Variants in NPR1 observed in about 807,000 individuals in gnomAD.
NPR1 encodes the protein natriuretic peptide receptor 1, also known as atrial natriuretic peptide receptor 1.
Under a neutral mutation model 116.9 loss-of-function variants are expected in NPR1, and 57 were observed. The ratio of observed to expected loss-of-function variants is 0.49; its 90% confidence interval spans 0.39 to 0.61. The LOEUF is 0.61. Among genes scored for constraint, NPR1 ranks in the 20% least tolerant of loss-of-function variants. NPR1 has a pLI of 0.00. For synonymous variants in NPR1, 555 were observed against 601.6 expected (o/e 0.92, Z 1.13); for missense variants, 1,096 against 1,409.8 (o/e 0.78, Z 3.56).
intron 9 of NPR1, 113 bp from the exon 10 acceptor site, chr1:153,686,010 C>T: frequency 7.3e-7 from 1 of 1,371,224 alleles, no homozygotes; most frequent in Admixed American, 1.8e-5. Context: ...TGGGGGTGGG[C>T]TATTGGGAAC....
chr1:153,683,884 G>T, intron 7 of NPR1, 60 bp downstream of exon 7: 1 of 1,463,716 alleles, frequency 6.8e-7, no homozygotes. Context: ...AATAGCAGAG[G>T]AGGCGGTGGG....
intron 5 of NPR1, 31 bp from the exon 6 acceptor site, chr1:153,683,345 T>C (rs1007125884): frequency 6.2e-7 from 1 of 1,607,854 alleles, no homozygotes; most frequent in African/African-American, 1.3e-5. Context: ...CCGCAGGCCC[T>C]GGCCTAGCCA....
chr1:153,688,872 G>C (rs1326788017), intron 15 of NPR1, 81 bp from the exon 16 acceptor site: 1 of 1,564,414 alleles, frequency 6.4e-7, no homozygotes, highest in African/African-American at 1.4e-5. Flanking sequence ...AGTCTGGAGG[G>C]GGAAGTGCCT....
chr1:153,684,549 G>A (rs572455774), intron 7 of NPR1, among the ~76,000 whole-genome samples: 6 of 151,746 alleles, frequency 4.0e-5, no homozygotes, highest in South Asian at 4.2e-4. Context: ...ATGCCACCAC[G>A]CTCAGCTAAT....
chr1:153,688,204 G>A lies in NPR1; in HGVS notation c.2400G>A (p.Thr800=), dbSNP rs115612907. The stretch of plus-strand genomic sequence containing the variant: ...CACCATTCCAGCAGATCCGCCTGAC[G>A]TTGCGCAAATTTAACAGGTCCCTGG... The part of the protein sequence containing the change: ...ERPPFQQIRL[T]LRKFNRENSS... Residue 800 remains threonine (T), a synonymous_variant, in exon 15 of 22, where the codon ACG becomes ACA. Transcript: ENST00000368680. 68 of 1,613,616 alleles carry A rather than the reference G, an allele frequency of 4.2e-5. No homozygotes were observed. The African/African-American group carries it at 7.2e-4, about 17-fold the overall frequency.
chr1:153,691,921 G>C (rs561934098), intron 20 of NPR1, among the ~76,000 whole-genome samples: 4 of 151,580 alleles, frequency 2.6e-5, no homozygotes, highest in African/African-American at 9.7e-5. Context: ...GAAAAGAAAA[G>C]AAAGAAACTG....
chr1:153,680,014 AC>A (rs1456186208), intron 1 of NPR1, among the ~76,000 whole-genome samples, 185 bp downstream of exon 1: 1 of 143,144 alleles, frequency 7.0e-6, no homozygotes, highest in Non-Finnish European at 1.5e-5. Flanking sequence ...TTCTTCCGCC[AC>A]CCCCACCACG....
chr1:153,680,004 T>G (rs1301577097), intron 1 of NPR1, among the ~76,000 whole-genome samples, 175 bp downstream of exon 1: 2 of 152,028 alleles, frequency 1.3e-5, no homozygotes, highest in African/African-American at 2.4e-5. Flanking sequence ...TTTCCCTCTC[T>G]TCTTCCGCCA....
chr1:153,687,617 C>A lies in NPR1; in HGVS notation c.2093-17C>A, dbSNP rs754034385. On this transcript the variant is annotated splice_polypyrimidine_tract_variant and intron_variant, in intron 13 of 21. Transcript: ENST00000368680. Reference sequence around the variant, plus strand: ...TTGGGCTCCCTCACTCGGTGACTACCGACCTCTGACCCACAGAAAAGCTGT... The same window carrying A: ...TTGGGCTCCCTCACTCGGTGACTACAGACCTCTGACCCACAGAAAAGCTGT... 1.8e-5 allele frequency: 28 copies of A among 1,563,450 alleles called. No homozygotes were observed. In the Admixed American group the frequency reaches 5.0e-4, roughly 28 times the overall value.
intron 2 of NPR1, 63 bp from the exon 3 acceptor site, chr1:153,681,117 G>T: frequency 9.7e-7 from 1 of 1,030,222 alleles, no homozygotes; most frequent in South Asian, 1.3e-5. Flanking sequence ...AACTGTTGGG[G>T]CCCCACAGTA....
chr1:153,688,246 C>T, intron 15 of NPR1, 25 bp downstream of exon 15: 1 of 1,604,544 alleles, frequency 6.2e-7, no homozygotes, highest in Non-Finnish European at 8.5e-7. Flanking sequence ...TCATGGATCC[C>T]CCAGGCCCTT....
At chr1:153,690,490 G>A (rs566138949) in intron 20 of NPR1, 108 bp downstream of exon 20, 85 of 722,312 alleles carry the variant, frequency 1.2e-4, no homozygotes, top group Non-Finnish European at 1.7e-4. Context: ...TAGCCCTTTC[G>A]CCTCCCAAGT....
At position 153,679,752 on chromosome 1, in the gene NPR1, T is replaced by C. The variant is rs763778452; in HGVS notation, c.644T>C (p.Val215Ala). ...GTCCGCGACCGCCTCAATATTACGG[T>C]GGACCACCTGGAGTTCGCCGAGGAC... The part of the protein sequence containing the change: ...MRVRDRLNIT[V>A]DHLEFAEDDL... Residue 215 changes from valine (V) to alanine (A), a missense_variant, in exon 1 of 22, where the codon GTG (valine) becomes GCG (alanine). Physicochemically the swap from Val to Ala is moderately conservative, Grantham distance 64. Transcript: ENST00000368680. This position sits in a 1 kb window ranked among gnomAD's most constrained non-coding sequence, Gnocchi z 4.2. 1 of 1,587,620 alleles carries C rather than the reference T, an allele frequency of 6.3e-7. No individual in the cohort carries two copies. Among genetic ancestry groups the C allele is most frequent in the South Asian group, 1.1e-5 (1 of 88,194 alleles).
intron 20 of NPR1, among the ~76,000 whole-genome samples, chr1:153,692,070 C>G (rs1199709747): frequency 6.6e-6 from 1 of 152,116 alleles, no homozygotes; most frequent in Non-Finnish European, 1.5e-5. Flanking sequence ...GCAGATCACC[C>G]TGGGCCTCAG....
Position 153,682,655 on chromosome 1 carries a change from C to G in NPR1, c.1263+66C>G, listed in dbSNP as rs566924829. ...ACATCTCACCCTCCTACTTCCCCCC[C>G]ACAGCCCTGCCAGGGCACCTGTTTA... On this transcript the variant is annotated intron_variant, in intron 5 of 21. Transcript: ENST00000368680. The G allele has an allele frequency of 5.2e-4, 627 of 1,195,322 alleles. 6 individuals are homozygous for G. Among genetic ancestry groups the G allele is most frequent in the Admixed American group, 4.7e-4 (26 of 55,660 alleles). The allele number at this position is 1,195,322 out of a possible 1,614,324, so 74.0% of individuals were successfully genotyped here. A position where few individuals can be genotyped will look rare whatever the true frequency, so the allele number is the denominator to read the frequency against.
chr1:153,693,652 C>G lies in NPR1; in HGVS notation c.*238C>G. On this transcript the variant is annotated 3_prime_UTR_variant, in exon 22 of 22. Transcript: ENST00000368680. The stretch of plus-strand genomic sequence containing the variant: ...CCACGGCCATGCACAGGGACACTCA[C>G]ACAGGCACACGCACCTGCTCTCCAC... 1 of 454,882 alleles carries G rather than the reference C, an allele frequency of 2.2e-6. No individual in the cohort carries two copies. The highest frequency in any genetic ancestry group is 3.8e-6 in the Non-Finnish European group (1 of 260,334). The allele number at this position is 454,882 out of a possible 1,614,324, so 28.2% of individuals were successfully genotyped here. A position where few individuals can be genotyped will look rare whatever the true frequency, so the allele number is the denominator to read the frequency against.
Position 153,693,918 on chromosome 1 carries a change from G to A in NPR1, c.*504G>A. ...ACAGTGCACAGGGGAGAAGAGGGGT[G>A]GCGCAGAAGGGTTGGGGGCCTGTAT... On this transcript the variant is annotated 3_prime_UTR_variant, in exon 22 of 22. Transcript: ENST00000368680. 1 of 397,672 alleles carries A rather than the reference G, an allele frequency of 2.5e-6. No individual in the cohort carries two copies. Among genetic ancestry groups the A allele is most frequent in the Non-Finnish European group, 4.4e-6 (1 of 226,016 alleles). The allele number at this position is 397,672 out of a possible 1,614,324, so 24.6% of individuals were successfully genotyped here.
rs1284545453 is a variant in NPR1, at chr1:153,691,753, G to T, written c.3032-1353G>T. On this transcript the variant is annotated intron_variant, in intron 20 of 21. Transcript: ENST00000368680. ...TCTCTACTAAAAATACAAAAAATTAGCTGGGCGTGGTGGCACGTGCCCGTA... is the reference window on the plus strand; with the variant it reads ...TCTCTACTAAAAATACAAAAAATTATCTGGGCGTGGTGGCACGTGCCCGTA... 2.6e-5 allele frequency among the ~76,000 whole-genome samples: 4 copies of T among 152,078 alleles called. No individual in the cohort carries two copies. The East Asian group carries it at 5.8e-4, about 22-fold the overall frequency.
chr1:153,681,096 G>A (rs749434390), intron 2 of NPR1, 84 bp from the exon 3 acceptor site: 7 of 781,286 alleles, frequency 9.0e-6, no homozygotes, highest in Non-Finnish European at 1.6e-5. Context: ...AGCTCTGGGA[G>A]GTGGGCTCCC....
Sources: allele counts gnomAD v4.1 joint callset (sites outside exome capture counted in the v4.1 genomes callset), GRCh38; gene constraint gnomAD v4.1.1; non-coding constraint Gnocchi (gnomAD v3.1); transcripts MANE v1.5; gene names NCBI Gene and HGNC (gene_info 2026-07-23, HGNC 2026-07-21).